SMARCA2: variants seen among roughly 807,000 people sequenced by gnomAD.
SMARCA2 encodes the protein SWI/SNF-related matrix-associated actin-dependent regulator of chromatin subfamily A member 2.
SMARCA2 carries 61 observed loss-of-function variants against 199.8 expected under a neutral mutation model. The ratio of observed to expected loss-of-function variants is 0.31; its 90% CI spans 0.25 to 0.38. The LOEUF is 0.38. Among genes scored for constraint, SMARCA2 ranks in the 10% least tolerant of loss-of-function variants. SMARCA2 has a pLI of 1.00. For synonymous variants in SMARCA2, 935 were observed against 732.0 expected (o/e 1.28, Z -4.48); for missense variants, 1,344 against 2,012.2 (o/e 0.67, Z 6.35).
At chr9:2,077,802 T>C (rs540664202) in intron 14 of SMARCA2, 26 bp downstream of exon 14, 1 of 1,581,280 alleles carries the variant, frequency 6.3e-7, no homozygotes, top group East Asian at 2.3e-5. Context: ...TCAGTTTCCT[T>C]GGCAAGTTGT....
chr9:2,147,691 C>G (rs1009146237), intron 27 of SMARCA2, among the ~76,000 whole-genome samples: 1 of 151,460 alleles, frequency 6.6e-6, no homozygotes, highest in Admixed American at 6.6e-5. Context: ...ACTAAAAATA[C>G]GAAAATTAGC....
intron 27 of SMARCA2, among the ~76,000 whole-genome samples, chr9:2,141,360 A>G (rs1824452038): frequency 6.6e-6 from 1 of 152,194 alleles, no homozygotes; most frequent in Non-Finnish European, 1.5e-5. Flanking sequence ...TGGATTTCGC[A>G]TTTAGTTAAT....
intron 5 of SMARCA2, among the ~76,000 whole-genome samples, chr9:2,051,924 T>G (rs118153018): frequency 2.0e-5 from 3 of 152,176 alleles, no homozygotes; most frequent in Non-Finnish European, 1.5e-5. Context: ...ATCCAGAGAT[T>G]TGGGGCTACA....
chr9:2,103,810 A>G (rs990026823), intron 22 of SMARCA2, among the ~76,000 whole-genome samples, 193 bp from the exon 23 acceptor site: 1 of 152,160 alleles, frequency 6.6e-6, no homozygotes, highest in Non-Finnish European at 1.5e-5. Flanking sequence ...TGGGTTTTAT[A>G]TGAATATATT....
In SMARCA2 at chr9:2,139,723, A is replaced by G. The variant is rs531703656; in HGVS notation, c.3981+15786A>G. On this transcript the variant is annotated intron_variant, in intron 27 of 33. Coordinates refer to ENST00000349721, the MANE Select transcript of SMARCA2 (RefSeq NM_003070.5). ...TCTGAAAAGACATCTCAAGACACCAATCTTAGGTTCTACGATAGTAATATT... is the reference window on the plus strand; with the variant it reads ...TCTGAAAAGACATCTCAAGACACCAGTCTTAGGTTCTACGATAGTAATATT... 3.9e-5 allele frequency among the ~76,000 whole-genome samples: 6 copies of G among 152,302 alleles called. No individual in the cohort carries two copies. In the East Asian group the frequency reaches 1.2e-3, roughly 29 times the overall value.
In SMARCA2 at chr9:2,065,046, G is replaced by A. The variant is rs192677758; in HGVS notation, c.1692+4060G>A. 5.9e-5 allele frequency among the ~76,000 whole-genome samples: 9 copies of A among 152,246 alleles called. No homozygotes were observed. The East Asian group carries it at 7.7e-4, about 13-fold the overall frequency. ...AAAAAATACAAAAAATTAGCCGGGC[G>A]TGGTGGCAGGCACCTGTAGTCCCAG... On this transcript the variant is annotated intron_variant, in intron 9 of 33. Coordinates refer to ENST00000349721, the MANE Select transcript of SMARCA2 (RefSeq NM_003070.5).
intron 23 of SMARCA2, among the ~76,000 whole-genome samples, chr9:2,108,107 C>A (rs776829397): frequency 3.9e-5 from 6 of 152,164 alleles, no homozygotes; most frequent in Non-Finnish European, 1.5e-5. Flanking sequence ...GCAGAGTCAG[C>A]ATGATCTGAT....
intron 22 of SMARCA2, among the ~76,000 whole-genome samples, chr9:2,103,659 T>TGAGAGAGA (rs1172250952): frequency 7.0e-6 from 1 of 143,690 alleles, no homozygotes; most frequent in African/African-American, 2.9e-5. Flanking sequence ...TGTGTGTGTG[T>TGAGAGAGA]GTGAGAGAGA....
chr9:2,106,994 G>A (rs1822779924), intron 23 of SMARCA2, among the ~76,000 whole-genome samples: 2 of 152,284 alleles, frequency 1.3e-5, no homozygotes, highest in South Asian at 2.1e-4. Context: ...TGAAACTGAT[G>A]TTAGTATTGA....
In SMARCA2 at chr9:2,139,439, C is replaced by G. The variant is rs974515794; in HGVS notation, c.3981+15502C>G. On this transcript the variant is annotated intron_variant, in intron 27 of 33. Coordinates refer to ENST00000349721, the MANE Select transcript of SMARCA2 (RefSeq NM_003070.5). ...TGGGTTGGGGAGCCACAAGACTGGT[C>G]GAGTCACCAACACTGGTGTGATATT... Among the ~76,000 whole-genome samples, 6 of 152,216 alleles carry G rather than the reference C, an allele frequency of 3.9e-5. No homozygotes were observed. The East Asian group carries it at 1.2e-3, about 29-fold the overall frequency.
At chr9:2,151,408 A>G (rs1232092107) in intron 27 of SMARCA2, among the ~76,000 whole-genome samples, 1 of 151,612 alleles carries the variant, frequency 6.6e-6, no homozygotes, top group African/African-American at 2.4e-5. Flanking sequence ...AAGACAGTAC[A>G]AGACCCAGGC....
Position 2,130,301 on chromosome 9 carries a change from C to T in SMARCA2, c.3981+6364C>T, listed in dbSNP as rs1257268597. ...AACTTCCTGTTCCCGAGTGATAGCA[C>T]CATGTGCTGTGGCTTCTTGTGCCAT... On this transcript the variant is annotated intron_variant, in intron 27 of 33. Transcript: ENST00000349721. Among the ~76,000 whole-genome samples the T allele has an allele frequency of 2.0e-5, 3 of 152,238 alleles. No individual in the cohort carries two copies. The East Asian group carries it at 5.8e-4, about 29-fold the overall frequency.
intron 27 of SMARCA2, among the ~76,000 whole-genome samples, chr9:2,154,810 C>T (rs1825261016): frequency 1.3e-5 from 2 of 152,046 alleles, no homozygotes; most frequent in African/African-American, 4.8e-5. Context: ...AGTTTGTTAC[C>T]CTCTTTTGGC....
chr9:2,080,841 G>A (rs969906125), intron 14 of SMARCA2, among the ~76,000 whole-genome samples: 1 of 152,172 alleles, frequency 6.6e-6, no homozygotes, highest in Non-Finnish European at 1.5e-5. Context: ...CTTGGCATAT[G>A]TGTATATGTG....
rs1586635006 is a variant in SMARCA2, at chr9:2,039,379, T to A, written c.356-87T>A. 1 of 1,268,576 alleles carries A rather than the reference T, an allele frequency of 7.9e-7. No homozygotes were observed. The highest frequency in any genetic ancestry group is 2.3e-5 in the Admixed American group (1 of 44,138). The allele number at this position is 1,268,576 out of a possible 1,614,324, so 78.6% of individuals were successfully genotyped here. A position where few individuals can be genotyped will look rare whatever the true frequency, so the allele number is the denominator to read the frequency against. On this transcript the variant is annotated intron_variant, in intron 3 of 33. Coordinates refer to ENST00000349721, the MANE Select transcript of SMARCA2 (RefSeq NM_003070.5). This position sits in a 1 kb window ranked among gnomAD's most constrained non-coding sequence, Gnocchi z 4.8. ...TCAAATTTCTGTCAGACAGTGTTGC[T>A]GTGGACAATTATTAGAGTATTCAGG...
At chr9:2,184,742 T>C (rs1586811941) in intron 31 of SMARCA2, among the ~76,000 whole-genome samples, 1 of 152,122 alleles carries the variant, frequency 6.6e-6, no homozygotes, top group Non-Finnish European at 1.5e-5. Context: ...TCATTTGTTT[T>C]CCTTTCTAAA....
At chr9:2,181,891 C>T (rs993634582) in intron 30 of SMARCA2, among the ~76,000 whole-genome samples, 3 of 152,122 alleles carry the variant, frequency 2.0e-5, no homozygotes, top group Non-Finnish European at 4.4e-5. Context: ...TTCAGGCTCC[C>T]TGCTCCCCCT....
chr9:2,178,232 A>G (rs1159842249), intron 29 of SMARCA2, among the ~76,000 whole-genome samples: 1 of 152,134 alleles, frequency 6.6e-6, no homozygotes, highest in Non-Finnish European at 1.5e-5. Context: ...TGTGAACCGT[A>G]AGACCAGTGA....
At chr9:2,185,597 A>T (rs1024068545) in intron 31 of SMARCA2, among the ~76,000 whole-genome samples, 1 of 152,186 alleles carries the variant, frequency 6.6e-6, no homozygotes, top group African/African-American at 2.4e-5. Context: ...TTTTGAACTT[A>T]TATCTTTCAG....
Sources: allele counts gnomAD v4.1 joint callset (sites outside exome capture counted in the v4.1 genomes callset), GRCh38; gene constraint gnomAD v4.1.1; non-coding constraint Gnocchi (gnomAD v3.1); transcripts MANE v1.5; gene names NCBI Gene and HGNC (gene_info 2026-07-23, HGNC 2026-07-21).